Variants in FHOD3 observed in about 807,000 individuals in gnomAD.
FHOD3 encodes FH1/FH2 domain-containing protein 3.
A neutral mutation model predicts 173.0 loss-of-function variants in FHOD3; 90 were observed. The observed-to-expected ratio is 0.52, with a 90% CI of 0.44 to 0.62. The LOEUF (loss-of-function observed/expected upper bound fraction) is 0.62. FHOD3 is among the 20% of genes least tolerant of loss of function. The pLI is 0.00. For synonymous variants in FHOD3, 828 were observed against 823.0 expected, an observed-to-expected ratio of 1.01 and a Z score of -0.10; for missense variants, 1,945 against 2,034.7, an observed-to-expected ratio of 0.96 and a Z score of 0.85.
Position 36,372,704 on chromosome 18 carries a change from C to T in FHOD3, c.297C>T (p.Ile99=). The T allele has an allele frequency of 1.2e-6, 2 of 1,614,004 alleles. No individual in the cohort carries two copies. The highest frequency in any genetic ancestry group is 1.7e-6 in the Non-Finnish European group (2 of 1,179,966). ...DAGRGKKHSI[I]LRTQLSVRVH... is the part of the protein sequence containing the mutation. ...GGCGGGGCAAGAAGCACAGCATCAT[C>T]CTAAGGACGCAGCTGTCTGTGAGGG... is the stretch of plus-strand genomic sequence containing the variant. Residue 99 remains isoleucine, a synonymous_variant, in exon 3 of 29, where the codon ATC becomes ATT. Transcript: ENST00000590592.
intron 13 of FHOD3, among the ~76,000 whole-genome samples, chr18:36,657,579 T>C (rs1339649144): frequency 2.0e-5 from 3 of 152,196 alleles, no homozygotes; most frequent in African/African-American, 7.2e-5. Context: ...CCTCAATCAC[T>C]GAACATGTGA....
chr18:36,635,580 G>A lies in FHOD3; in HGVS notation c.1196+9831G>A, dbSNP rs142896311. The stretch of plus-strand genomic sequence containing the variant: ...ACAGGGAGGTGCTGAGAATGCAGGA[G>A]GCTGTGGTTTGTAGGACAATGACTG... On this transcript the variant is annotated intron_variant, in intron 10 of 28. Transcript: ENST00000590592. Among the ~76,000 whole-genome samples the A allele has an allele frequency of 5.9e-5, 9 of 152,316 alleles. No individual in the cohort carries two copies. The East Asian group carries it at 1.5e-3, about 26-fold the overall frequency.
chr18:36,652,755 C>T lies in FHOD3; in HGVS notation c.1472C>T (p.Pro491Leu), dbSNP rs747089614. 1.3e-6 allele frequency: 2 copies of T among 1,535,936 alleles called. 1 individual carries two copies. The highest frequency in any genetic ancestry group is 2.4e-5 in the South Asian group (2 of 84,048). Residue 491 changes from proline to leucine, a missense_variant, in exon 12 of 29, where the codon CCC (proline) becomes CTC (leucine). By Grantham distance (98) the Pro-to-Leu change is moderately conservative. Around this residue, in one of 5 missense-constraint regions of FHOD3, gnomAD observed 1,099 missense variants for 1,051.2 expected, o/e 1.05. Coordinates refer to ENST00000590592, the MANE Select transcript of FHOD3 (RefSeq NM_001281740.3). The part of the protein sequence containing the change: ...SEATPSALLS[P>L]PASAARPSSA... ...GCCACCCCATCTGCCCTCCTGTCACCCCCTGCCTCAGCTGCTCGGCCCTCC... is the reference window on the plus strand; with the variant it reads ...GCCACCCCATCTGCCCTCCTGTCACTCCCTGCCTCAGCTGCTCGGCCCTCC...
chr18:36,577,955 G>C (rs1327926382), intron 6 of FHOD3, among the ~76,000 whole-genome samples: 2 of 152,210 alleles, frequency 1.3e-5, no homozygotes, highest in Non-Finnish European at 2.9e-5. Context: ...CCTGTCCTGA[G>C]CAGGTGCACA....
chr18:36,566,717 T>TG (rs1485835555), intron 5 of FHOD3, among the ~76,000 whole-genome samples: 1 of 152,118 alleles, frequency 6.6e-6, no homozygotes, highest in Non-Finnish European at 1.5e-5. Flanking sequence ...GATCATGGTA[T>TG]CTGAACCTGG....
chr18:36,767,340 A>G (rs2043184337), intron 27 of FHOD3, among the ~76,000 whole-genome samples: 1 of 152,140 alleles, frequency 6.6e-6, no homozygotes, highest in South Asian at 2.1e-4. Context: ...AATAACGGAA[A>G]TCAGAGTCTC....
rs144294749 is a variant in FHOD3, at chr18:36,430,606, A to C, written c.337+57862A>C. Among the ~76,000 whole-genome samples the C allele has an allele frequency of 3.1e-3, 466 of 152,376 alleles. 3 individuals are homozygous for C. Among genetic ancestry groups the C allele is most frequent in the African/African-American group, 0.011 (446 of 41,586 alleles). On this transcript the variant is annotated intron_variant, in intron 3 of 28. Coordinates refer to ENST00000590592, the MANE Select transcript of FHOD3 (RefSeq NM_001281740.3). ...ATCTATACAATCTATTACATGGTAG[A>C]TAATAAGTAATTTTTAAAAGTTGAA...
At chr18:36,463,951 C>T (rs1383539446) in intron 3 of FHOD3, among the ~76,000 whole-genome samples, 1 of 151,718 alleles carries the variant, frequency 6.6e-6, no homozygotes, top group Admixed American at 6.6e-5. Flanking sequence ...ATAAAATACT[C>T]AAACATAAGA....
intron 3 of FHOD3, among the ~76,000 whole-genome samples, chr18:36,425,429 G>C (rs1378429621): frequency 1.3e-5 from 2 of 152,194 alleles, no homozygotes; most frequent in Non-Finnish European, 2.9e-5. Flanking sequence ...TGGAATGTAG[G>C]TCACCCAGCT....
At chr18:36,425,903 C>CTT (rs576258914) in intron 3 of FHOD3, among the ~76,000 whole-genome samples, 4 of 142,732 alleles carry the variant, frequency 2.8e-5, no homozygotes, top group Non-Finnish European at 4.6e-5. Flanking sequence ...TTCTTTCTTT[C>CTT]TTTTTTTTTT....
intron 3 of FHOD3, among the ~76,000 whole-genome samples, chr18:36,408,045 G>T (rs2049155861): frequency 6.6e-6 from 1 of 152,164 alleles, no homozygotes; most frequent in African/African-American, 2.4e-5. Context: ...TCAACTTCCT[G>T]TGGGCGGAGA....
chr18:36,442,374 T>G (rs1950041401), intron 3 of FHOD3, among the ~76,000 whole-genome samples: 1 of 152,166 alleles, frequency 6.6e-6, no homozygotes, highest in African/African-American at 2.4e-5. Flanking sequence ...TGGATTTTAT[T>G]CCTTAGCTCT....
chr18:36,628,698 T>A (rs1206037556), intron 10 of FHOD3, among the ~76,000 whole-genome samples: 1 of 152,172 alleles, frequency 6.6e-6, no homozygotes, highest in East Asian at 1.9e-4. Flanking sequence ...GTTTACAAAT[T>A]TCATTGGAAG....
chr18:36,456,961 T>A (rs2052255923), intron 3 of FHOD3, among the ~76,000 whole-genome samples: 1 of 152,164 alleles, frequency 6.6e-6, no homozygotes, highest in Non-Finnish European at 1.5e-5. Context: ...TGTTTCCCTG[T>A]TTAGCACCTG....
intron 1 of FHOD3, among the ~76,000 whole-genome samples, chr18:36,345,119 AC>A (rs1386581862): frequency 6.6e-6 from 1 of 152,242 alleles, no homozygotes; most frequent in African/African-American, 2.4e-5. Flanking sequence ...TTTAACAAAC[AC>A]TGCAACTGTT....
chr18:36,323,595 C>T (rs1446423997), intron 1 of FHOD3, among the ~76,000 whole-genome samples: 1 of 152,188 alleles, frequency 6.6e-6, no homozygotes, highest in Non-Finnish European at 1.5e-5. Context: ...CTTAGCTCAG[C>T]TCAACACTGT....
chr18:36,694,562 G>A (rs1469335197), intron 17 of FHOD3, among the ~76,000 whole-genome samples: 5 of 152,186 alleles, frequency 3.3e-5, no homozygotes, highest in South Asian at 2.1e-4. Flanking sequence ...TATAACAGCC[G>A]TGTGCTTTCC....
chr18:36,376,046 A>G (rs2047425477), intron 3 of FHOD3, among the ~76,000 whole-genome samples: 1 of 152,226 alleles, frequency 6.6e-6, no homozygotes, highest in Non-Finnish European at 1.5e-5. Flanking sequence ...TCTGCATTTT[A>G]TGAGGTTAGC....
intron 2 of FHOD3, 72 bp from the exon 3 acceptor site, chr18:36,372,608 C>A: frequency 2.3e-6 from 3 of 1,313,304 alleles, no homozygotes; most frequent in South Asian, 1.2e-5. Context: ...AGAACCTTCA[C>A]GTGGATTGAC....
Sources: gnomAD v4.1 joint callset for allele counts (sites outside exome capture counted in the v4.1 genomes callset) on GRCh38, gnomAD v4.1.1 for gene constraint, gnomAD v4.1.1 regional missense constraint, MANE v1.5 for transcripts, NCBI Gene and HGNC (gene_info 2026-07-23, HGNC 2026-07-21) for gene names.